Variants in PARD3B observed in about 807,000 individuals in gnomAD.
The protein encoded by PARD3B is partitioning defective 3 homolog B.
In PARD3B, 103 loss-of-function variants were observed where a neutral mutation model predicts 130.2. The ratio of observed to expected loss-of-function variants is 0.79; its 90% confidence interval spans 0.67 to 0.93. PARD3B has a LOEUF of 0.93. Among genes scored for constraint, PARD3B ranks in the 40% least tolerant of loss-of-function variants. The pLI is 0.00. For missense variants in PARD3B, 1,609 were observed against 1,499.2 expected (o/e 1.07, Z -1.21); for synonymous variants, 583 against 553.2 (o/e 1.05, Z -0.76).
chr2:205,380,337 A>C (rs868755419), intron 18 of PARD3B, among the ~76,000 whole-genome samples: 67 of 18,332 alleles, frequency 3.7e-3, no homozygotes, highest in Non-Finnish European at 4.4e-3. Context: ...ATAATATATA[A>C]AGAATATATA....
chr2:204,752,672 T>C (rs898471593), intron 2 of PARD3B, among the ~76,000 whole-genome samples: 22 of 152,128 alleles, frequency 1.4e-4, no homozygotes, highest in African/African-American at 5.1e-4. Flanking sequence ...TTCTCTTTGA[T>C]CCTTTAATTT....
chr2:205,427,897 A>G (rs1212847565), intron 19 of PARD3B, among the ~76,000 whole-genome samples: 1 of 152,232 alleles, frequency 6.6e-6, no homozygotes, highest in African/African-American at 2.4e-5. Context: ...AAATAGAGCA[A>G]TGAAGACATC....
Position 205,241,094 on chromosome 2 carries a change from T to TG in PARD3B, c.2141-4681dup, listed in dbSNP as rs1164584548. Among the ~76,000 whole-genome samples the TG allele has an allele frequency of 6.6e-6, 1 of 152,218 alleles. No homozygotes were observed. Among genetic ancestry groups the TG allele is most frequent in the Non-Finnish European group, 1.5e-5 (1 of 68,010 alleles). Reference sequence around the variant, plus strand: ...CTTTTTAAAAAGATGCCATTGATGCTGGGCAGTTCTAATTAGCTTCAAAGG... The same window carrying TG: ...CTTTTTAAAAAGATGCCATTGATGCTGGGGCAGTTCTAATTAGCTTCAAAGG... On this transcript the variant is annotated intron_variant, in intron 15 of 22. Transcript: ENST00000406610. The surrounding 1 kb of genome is among the most constrained non-coding windows in gnomAD (Gnocchi z 4.2).
At chr2:205,328,949 T>C (rs533801863) in intron 18 of PARD3B, among the ~76,000 whole-genome samples, 2 of 152,306 alleles carry the variant, frequency 1.3e-5, no homozygotes, top group South Asian at 4.1e-4. Flanking sequence ...CTCAAACTTT[T>C]TCCTCAATGC....
chr2:205,380,920 A>AT (rs1559034896), intron 18 of PARD3B, among the ~76,000 whole-genome samples: 224 of 102,866 alleles, frequency 2.2e-3, no homozygotes, highest in African/African-American at 3.8e-3. Context: ...TAAAGAATAT[A>AT]TATAATATAT....
intron 2 of PARD3B, among the ~76,000 whole-genome samples, chr2:204,854,232 A>T (rs2044827919): frequency 6.6e-6 from 1 of 152,206 alleles, no homozygotes; most frequent in South Asian, 2.1e-4. Flanking sequence ...TAAAGATGTG[A>T]GGAGCCAACT....
chr2:204,659,948 A>G lies in PARD3B; in HGVS notation c.121-26233A>G, dbSNP rs989612850. Among the ~76,000 whole-genome samples the G allele has an allele frequency of 7.9e-5, 12 of 152,198 alleles. 1 individual carries two copies. Among genetic ancestry groups the G allele is most frequent in the Admixed American group, 1.3e-4 (2 of 15,264 alleles). ...TTACAGTAATTCTAGCATTAATGCC[A>G]TTCTCTAAGATTGGAAGACTTTGAG... On this transcript the variant is annotated intron_variant, in intron 1 of 22. Coordinates refer to ENST00000406610, the MANE Select transcript of PARD3B (RefSeq NM_001302769.2).
chr2:205,018,555 T>G (rs1696334237), intron 3 of PARD3B, among the ~76,000 whole-genome samples: 1 of 151,964 alleles, frequency 6.6e-6, no homozygotes, highest in Middle Eastern at 3.2e-3. Context: ...CAGAAACATT[T>G]GATTTCAAAT....
rs1465634403 is a variant in PARD3B at position 205,115,575 on chromosome 2, T to TC, written c.680+1998_680+1999insC. ...TGGTGAAATAGTTCTATTATTTATT[T>TC]TTTGCTATCCACCAGTATTATAGGA... On this transcript the variant is annotated intron_variant, in intron 6 of 22. Coordinates refer to ENST00000406610, the MANE Select transcript of PARD3B (RefSeq NM_001302769.2). Among the ~76,000 whole-genome samples, 3 of 152,288 alleles carry TC rather than the reference T, an allele frequency of 2.0e-5. No individual in the cohort carries two copies. In the East Asian group the frequency reaches 5.8e-4, roughly 29 times the overall value.
Position 205,461,059 on chromosome 2 carries a change from GAC to G in PARD3B, c.3044+20391_3044+20392del, listed in dbSNP as rs1199630863. ...ACAGATATTTATTGAGTGAGATTTA[GAC>G]ACAGTCCTTACTTTCATGGAACTTA... On this transcript the variant is annotated intron_variant, in intron 20 of 22. Coordinates refer to ENST00000406610, the MANE Select transcript of PARD3B (RefSeq NM_001302769.2). The surrounding 1 kb of genome is among the most constrained non-coding windows in gnomAD (Gnocchi z 4.3). Among the ~76,000 whole-genome samples the G allele has an allele frequency of 6.6e-6, 1 of 152,152 alleles. No individual in the cohort carries two copies. The highest frequency in any genetic ancestry group is 1.5e-5 in the Non-Finnish European group (1 of 68,032).
rs576647658 is a variant in PARD3B, at chr2:204,678,151, C to A, written c.121-8030C>A. ...CGATGAGGGGTGGCTCCTTTGCAGC[C>A]GAGCTCAAACCGCTTGTGGGAGGGG... is the stretch of plus-strand genomic sequence containing the variant. On this transcript the variant is annotated intron_variant, in intron 1 of 22. Transcript: ENST00000406610. The surrounding 1 kb of genome is among the most constrained non-coding windows in gnomAD (Gnocchi z 4.2). Among the ~76,000 whole-genome samples the A allele has an allele frequency of 2.0e-5, 3 of 152,252 alleles. No individual in the cohort carries two copies. The highest frequency in any genetic ancestry group is 4.1e-4 in the South Asian group (2 of 4,824).
chr2:205,404,092 T>A (rs1472017186), intron 19 of PARD3B, among the ~76,000 whole-genome samples: 1 of 152,148 alleles, frequency 6.6e-6, no homozygotes, highest in Non-Finnish European at 1.5e-5. Flanking sequence ...TCTACCATAA[T>A]CCCATAACCA....
rs759180915 is a variant in PARD3B, at chr2:205,176,460, G to A, written c.1807G>A (p.Gly603Arg). ...ERPMEDPAEC[G>R]AFSKPCFENC... is the part of the protein sequence containing the mutation. ...TATCTCTTAGGATCCTGCAGAGTGT[G>A]GGGCATTTTCCAAGCCATGCTTTGA... Residue 603 changes from glycine to arginine, a missense_variant, in exon 13 of 23, where the codon GGG becomes AGG. Physicochemically the swap from Gly to Arg is moderately radical, Grantham distance 125. Coordinates refer to ENST00000406610, the MANE Select transcript of PARD3B (RefSeq NM_001302769.2). The surrounding 1 kb of genome is among the most constrained non-coding windows in gnomAD (Gnocchi z 5.3). 5.6e-6 allele frequency: 9 copies of A among 1,610,396 alleles called. No homozygotes were observed. In the South Asian group the frequency reaches 8.9e-5, roughly 16 times the overall value.
chr2:204,975,054 G>A (rs953944370), intron 3 of PARD3B, among the ~76,000 whole-genome samples: 5 of 152,072 alleles, frequency 3.3e-5, no homozygotes, highest in African/African-American at 1.2e-4. Context: ...TATAACGATT[G>A]TTCTAATATT....
chr2:205,394,952 A>C (rs896349249), intron 18 of PARD3B, among the ~76,000 whole-genome samples: 1 of 152,188 alleles, frequency 6.6e-6, no homozygotes, highest in Non-Finnish European at 1.5e-5. Context: ...GAATGTGCTT[A>C]ATGCCACTGA....
At chr2:205,399,799 C>T (rs1309309797) in intron 18 of PARD3B, among the ~76,000 whole-genome samples, 1 of 152,206 alleles carries the variant, frequency 6.6e-6, no homozygotes, top group Non-Finnish European at 1.5e-5. Flanking sequence ...TCAGAACATA[C>T]TAACCCAGAG....
At chr2:205,522,491 AT>A (rs2051120547) in intron 21 of PARD3B, among the ~76,000 whole-genome samples, 1 of 152,102 alleles carries the variant, frequency 6.6e-6, no homozygotes, top group African/African-American at 2.4e-5. Flanking sequence ...TATGGTAACT[AT>A]TGTCGTTAAA....
intron 3 of PARD3B, among the ~76,000 whole-genome samples, chr2:205,037,677 C>CTA (rs67377114): frequency 0.048 from 7,180 of 148,554 alleles, 229 homozygotes; most frequent in Non-Finnish European, 0.071. Flanking sequence ...ATATAGTGGA[C>CTA]TATATATATA....
intron 16 of PARD3B, among the ~76,000 whole-genome samples, chr2:205,247,077 T>C (rs2039604723): frequency 6.6e-6 from 1 of 152,206 alleles, no homozygotes; most frequent in South Asian, 2.1e-4. Context: ...TTATACATAT[T>C]GTTATAATAC....
Sources: allele counts gnomAD v4.1 joint callset (sites outside exome capture counted in the v4.1 genomes callset), GRCh38; gene constraint gnomAD v4.1.1; non-coding constraint Gnocchi (gnomAD v3.1); transcripts MANE v1.5; gene names NCBI Gene and HGNC (gene_info 2026-07-23, HGNC 2026-07-21).